SOX6: variants seen among roughly 807,000 people sequenced by gnomAD.
SOX6 encodes the protein SRY-box transcription factor 6.
Under a neutral mutation model 97.8 loss-of-function variants are expected in SOX6, and 11 were observed. The observed-to-expected ratio is 0.11, with a 90% confidence interval of 0.07 to 0.19. The LOEUF (loss-of-function observed/expected upper bound fraction) is 0.19. SOX6 is among the 10% of genes least tolerant of loss of function. The pLI is 1.00. For synonymous variants in SOX6, 360 were observed against 371.4 expected (o/e 0.97, Z 0.35); for missense variants, 810 against 1,039.5 (o/e 0.78, Z 3.04).
intron 1 of SOX6, among the ~76,000 whole-genome samples, chr11:16,371,524 A>G (rs1857494603): frequency 1.3e-5 from 2 of 151,968 alleles, no homozygotes; most frequent in South Asian, 2.1e-4. Flanking sequence ...AAGCTCCTTG[A>G]GGGCAGAGAT....
intron 3 of SOX6, chr11:16,316,104 A>T (rs1402781495): frequency 2.0e-5 from 1 of 48,998 alleles, no homozygotes; most frequent in Admixed American, 2.8e-4. Flanking sequence ...CTTAAAACTC[A>T]TAGGTTTTTT....
chr11:16,384,347 T>C (rs1405517661), intron 1 of SOX6, among the ~76,000 whole-genome samples: 1 of 151,894 alleles, frequency 6.6e-6, no homozygotes, highest in Non-Finnish European at 1.5e-5. Context: ...CTGAGTTCCC[T>C]GTTCAAATCA....
intron 4 of SOX6, among the ~76,000 whole-genome samples, chr11:16,499,749 C>G (rs1051113035): frequency 1.8e-4 from 28 of 152,110 alleles, no homozygotes; most frequent in Admixed American, 1.4e-3. Context: ...ACCCTCCCAA[C>G]ACTAAACCAG....
At chr11:16,516,460 A>C (rs1260059747) in intron 4 of SOX6, among the ~76,000 whole-genome samples, 1 of 151,614 alleles carries the variant, frequency 6.6e-6, no homozygotes, top group African/African-American at 2.4e-5. Flanking sequence ...TGAGACAATG[A>C]ATCAAATAGA....
chr11:15,979,042 CATAT>C lies in SOX6; in HGVS notation c.2184-5934_2184-5931del, dbSNP rs57062569. On this transcript the variant is annotated intron_variant, in intron 15 of 15. Transcript: ENST00000683767. ...AACTGCTTATTTTATATATATTTTA[CATAT>C]ATATATATATATATATATAAAACTG... Among the ~76,000 whole-genome samples, 181 of 107,092 alleles carry C rather than the reference CATAT, an allele frequency of 1.7e-3. 1 individual carries two copies. Among genetic ancestry groups the C allele is most frequent in the African/African-American group, 2.8e-3 (78 of 27,450 alleles). The allele number at this position is 107,092 out of a possible 152,430, so 70.3% of individuals were successfully genotyped here.
chr11:16,648,356 A>G (rs1849044739), intron 3 of SOX6, among the ~76,000 whole-genome samples: 1 of 152,066 alleles, frequency 6.6e-6, no homozygotes, highest in African/African-American at 2.4e-5. Flanking sequence ...CCACCCAAGG[A>G]GAGTCTGAGC....
chr11:16,228,122 C>T (rs557104589), intron 4 of SOX6, among the ~76,000 whole-genome samples: 11 of 151,414 alleles, frequency 7.3e-5, no homozygotes, highest in South Asian at 2.1e-4. Flanking sequence ...CGCTTGAACC[C>T]GGGAGGCAGA....
chr11:16,270,646 C>T (rs1407707819), intron 3 of SOX6, among the ~76,000 whole-genome samples: 1 of 55,142 alleles, frequency 1.8e-5, no homozygotes, highest in Non-Finnish European at 4.2e-5. Context: ...ATAACACACA[C>T]ACACACAAAC....
At chr11:16,147,351 G>T (rs771707929) in intron 6 of SOX6, among the ~76,000 whole-genome samples, 20 of 152,074 alleles carry the variant, frequency 1.3e-4, no homozygotes, top group Admixed American at 8.5e-4. Flanking sequence ...GGGGCCTGTT[G>T]TGGGGTGGGG....
chr11:16,729,255 GC>G (rs1848330874), intron 2 of SOX6, among the ~76,000 whole-genome samples: 2 of 152,086 alleles, frequency 1.3e-5, no homozygotes, highest in African/African-American at 4.8e-5. Flanking sequence ...CTCGAGAAGA[GC>G]AACCCCAAGA....
chr11:16,571,668 T>C (rs1027989092), intron 4 of SOX6, among the ~76,000 whole-genome samples: 4 of 152,184 alleles, frequency 2.6e-5, no homozygotes, highest in African/African-American at 9.7e-5. Context: ...GTTTGTTTTT[T>C]TGAGACAGAG....
At chr11:16,451,983 A>AAATAAATAAATAAAT (rs140349010) in intron 1 of SOX6, among the ~76,000 whole-genome samples, 2 of 143,864 alleles carry the variant, frequency 1.4e-5, no homozygotes, top group Non-Finnish European at 3.0e-5. Flanking sequence ...ACCCTATCTA[A>AAATAAATAAATAAAT]AAATAAATAA....
intron 2 of SOX6, among the ~76,000 whole-genome samples, chr11:16,735,606 G>T (rs537351099): frequency 3.3e-5 from 5 of 152,198 alleles, no homozygotes; most frequent in African/African-American, 9.6e-5. Flanking sequence ...ACTGGCTTTT[G>T]GAATTAGACT....
At chr11:16,043,162 C>T (rs532250225) in intron 12 of SOX6, among the ~76,000 whole-genome samples, 1 of 152,274 alleles carries the variant, frequency 6.6e-6, no homozygotes, top group African/African-American at 2.4e-5. Context: ...AAAATACTCT[C>T]TATCTTAGAG....
At chr11:16,222,970 T>G (rs1161864097) in intron 4 of SOX6, among the ~76,000 whole-genome samples, 1 of 152,106 alleles carries the variant, frequency 6.6e-6, no homozygotes, top group East Asian at 1.9e-4. Flanking sequence ...AGTCCTACAG[T>G]ACGAATTATG....
At position 16,443,968 on chromosome 11, in the gene SOX6, G is replaced by A. The variant is rs184460693; in HGVS notation, c.-5+32347C>T. On this transcript the variant is annotated intron_variant, in intron 1 of 15. Transcript: ENST00000396356. ...GTGGAGGTTGCAGTGAGCCGAGATC[G>A]TGCCACTGCACTCCAGCCTGGCAAC... 7.4e-3 allele frequency among the ~76,000 whole-genome samples: 1,071 copies of A among 145,550 alleles called. 14 individuals are homozygous for A. The highest frequency in any genetic ancestry group is 0.024 in the African/African-American group (957 of 39,472).
intron 1 of SOX6, among the ~76,000 whole-genome samples, chr11:16,347,460 T>C (rs1856800409): frequency 1.3e-5 from 2 of 152,146 alleles, no homozygotes; most frequent in African/African-American, 4.8e-5. Flanking sequence ...AGGATTTTAA[T>C]CTAGCACAAT....
At chr11:16,724,167 A>C (rs563320914) in intron 2 of SOX6, among the ~76,000 whole-genome samples, 18 of 152,318 alleles carry the variant, frequency 1.2e-4, no homozygotes, top group African/African-American at 4.3e-4. Context: ...CCTTTCTTGG[A>C]GGTAAGCATC....
chr11:16,619,607 T>C (rs1358998494), intron 3 of SOX6, among the ~76,000 whole-genome samples: 1 of 152,066 alleles, frequency 6.6e-6, no homozygotes, highest in African/African-American at 2.4e-5. Context: ...ACTTTTATAT[T>C]AGTCTAAAAG....
Sources: allele counts gnomAD v4.1 joint callset (sites outside exome capture counted in the v4.1 genomes callset), GRCh38; gene constraint gnomAD v4.1.1; transcripts MANE v1.5; gene names NCBI Gene and HGNC (gene_info 2026-07-23, HGNC 2026-07-21).